Variants in ZNF423 observed in about 807,000 individuals in gnomAD.
ZNF423 encodes Ebf-associated zinc finger protein.
A neutral mutation model predicts 95.8 loss-of-function variants in ZNF423; 12 were observed. The ratio of observed to expected loss-of-function variants is 0.13; its 90% CI spans 0.08 to 0.20. The LOEUF (loss-of-function observed/expected upper bound fraction) is 0.20, where lower values mean the gene tolerates loss of function less well. ZNF423 is among the 10% of genes least tolerant of loss of function. ZNF423 has a pLI of 1.00. For synonymous variants in ZNF423, 749 were observed against 711.9 expected (o/e 1.05, Z -0.83); for missense variants, 1,316 against 1,737.1 (o/e 0.76, Z 4.31).
At chr16:49,798,733 T>C (rs558924527) in intron 1 of ZNF423, among the ~76,000 whole-genome samples, 2 of 152,308 alleles carry the variant, frequency 1.3e-5, no homozygotes, top group South Asian at 4.1e-4. Flanking sequence ...ATTTTGGCAA[T>C]GCTTGACTTT....
intron 3 of ZNF423, among the ~76,000 whole-genome samples, chr16:49,705,127 T>G (rs766985): frequency 0.39 from 59,611 of 151,978 alleles, 13,098 homozygotes; most frequent in African/African-American, 0.59. Flanking sequence ...GATGGGAGAA[T>G]AAGAAGGCCT....
rs539281085 is a variant in ZNF423 at position 49,530,793 on chromosome 16, A to G, written c.3602-5299T>C. 3.9e-5 allele frequency among the ~76,000 whole-genome samples: 6 copies of G among 152,252 alleles called. No individual in the cohort carries two copies. The East Asian group carries it at 1.2e-3, about 29-fold the overall frequency. ...TGACAGAAGAGGAAGGGACGCTTAG[A>G]GAGGCAGGGCCCCTAACAGGGATGT... is the stretch of plus-strand genomic sequence containing the variant. On this transcript the variant is annotated intron_variant, in intron 5 of 7. Transcript: ENST00000563137.
At chr16:49,767,908 C>G (rs1466954820) in intron 2 of ZNF423, among the ~76,000 whole-genome samples, 1 of 152,220 alleles carries the variant, frequency 6.6e-6, no homozygotes, top group Non-Finnish European at 1.5e-5. Context: ...GTCGGGTCCT[C>G]CCCACTGTCT....
intron 3 of ZNF423, among the ~76,000 whole-genome samples, chr16:49,641,375 C>T (rs1016388650): frequency 1.3e-5 from 2 of 152,210 alleles, no homozygotes; most frequent in Non-Finnish European, 2.9e-5. Context: ...AGGACTTGAT[C>T]TCCTTGGAGC....
At chr16:49,672,219 CT>C (rs1482717998) in intron 3 of ZNF423, among the ~76,000 whole-genome samples, 2 of 152,256 alleles carry the variant, frequency 1.3e-5, no homozygotes, top group African/African-American at 4.8e-5. Flanking sequence ...TCAGGTCAAA[CT>C]TGGCTGCCAA....
intron 3 of ZNF423, among the ~76,000 whole-genome samples, chr16:49,712,283 G>A (rs1471220243): frequency 6.6e-6 from 1 of 152,212 alleles, no homozygotes; most frequent in Non-Finnish European, 1.5e-5. Flanking sequence ...AGGAACGGGC[G>A]CCCGCACTGC....
chr16:49,619,304 T>C (rs1350616532), intron 5 of ZNF423, among the ~76,000 whole-genome samples: 2 of 152,090 alleles, frequency 1.3e-5, no homozygotes, highest in African/African-American at 4.8e-5. Context: ...TTACTGAACA[T>C]GAAGGTATGA....
chr16:49,721,020 G>A (rs545051008), intron 3 of ZNF423, among the ~76,000 whole-genome samples: 28 of 152,358 alleles, frequency 1.8e-4, no homozygotes, highest in Admixed American at 1.4e-3. Flanking sequence ...CTGCTGAGTC[G>A]AAAAGGTGGA....
intron 3 of ZNF423, among the ~76,000 whole-genome samples, chr16:49,667,874 A>C (rs1353441413): frequency 6.6e-6 from 1 of 152,202 alleles, no homozygotes; most frequent in Non-Finnish European, 1.5e-5. Context: ...CAACAGAGTG[A>C]GACCCTGTCT....
In ZNF423 at chr16:49,637,991, G is replaced by A; in HGVS notation, c.1185C>T (p.Thr395=). The stretch of plus-strand genomic sequence containing the variant: ...TCTTCTGCCCCCGCAGCGGCTTCAA[G>A]GTGGAGTCCGGGGTGGAGCCACGCT... ...SVERGSTPDS[T]LKPLRGQKKM... The change falls in exon 4 of 8, where the codon ACC becomes ACT. Residue 395 remains threonine, a synonymous_variant. Coordinates refer to ENST00000563137, the MANE Select transcript of ZNF423 (RefSeq NM_001379286.1). This position sits in a 1 kb window ranked among gnomAD's most constrained non-coding sequence, Gnocchi z 5.6. 1.2e-6 allele frequency: 2 copies of A among 1,614,122 alleles called. No individual in the cohort carries two copies. Among genetic ancestry groups the A allele is most frequent in the Non-Finnish European group, 1.7e-6 (2 of 1,180,042 alleles).
intron 1 of ZNF423, among the ~76,000 whole-genome samples, chr16:49,851,650 T>A (rs1245972833): frequency 1.3e-5 from 2 of 152,214 alleles, no homozygotes; most frequent in African/African-American, 4.8e-5. Flanking sequence ...CTGAATTACT[T>A]TATGACTGTA....
intron 7 of ZNF423, among the ~76,000 whole-genome samples, chr16:49,519,463 T>C (rs1968295352): frequency 6.6e-6 from 1 of 152,232 alleles, no homozygotes; most frequent in African/African-American, 2.4e-5. Context: ...TTTTCATTTA[T>C]GTGGGTGGCA....
In ZNF423 at chr16:49,850,106, G is replaced by A. The variant is rs527449468; in HGVS notation, c.40+5629C>T. Among the ~76,000 whole-genome samples, 16 of 152,288 alleles carry A rather than the reference G, an allele frequency of 1.1e-4. No homozygotes were observed. In the East Asian group the frequency reaches 2.3e-3, roughly 22 times the overall value. On this transcript the variant is annotated intron_variant, in intron 1 of 7. Transcript: ENST00000563137. ...CAGCTAATTGGCGCTCCTTGAAAGC[G>A]GTAAAGTATTTTTATTTACTGAGTG... is the stretch of plus-strand genomic sequence containing the variant.
chr16:49,724,794 A>G (rs1331137786), intron 3 of ZNF423, among the ~76,000 whole-genome samples: 1 of 152,192 alleles, frequency 6.6e-6, no homozygotes, highest in Non-Finnish European at 1.5e-5. Context: ...CCTACCTTTC[A>G]CAGGGGCCAG....
chr16:49,767,343 G>A (rs1011446780), intron 2 of ZNF423, among the ~76,000 whole-genome samples: 1 of 152,140 alleles, frequency 6.6e-6, no homozygotes, highest in East Asian at 1.9e-4. Flanking sequence ...AGGGAAGGCC[G>A]GGGAAAGCAG....
At chr16:49,736,756 C>G (rs534274927) in intron 2 of ZNF423, among the ~76,000 whole-genome samples, 1 of 152,202 alleles carries the variant, frequency 6.6e-6, no homozygotes, top group South Asian at 2.1e-4. Context: ...GTTCGCACCA[C>G]TGCACTCCAG....
In ZNF423 at chr16:49,855,012, T is replaced by A. The variant is rs903608330; in HGVS notation, c.40+723A>T. The A allele has an allele frequency of 2.5e-5, 25 of 984,138 alleles. No homozygotes were observed. The East Asian group carries it at 9.2e-4, about 36-fold the overall frequency. 61.0% of individuals were successfully genotyped at this position (984,138 alleles called of 1,614,324 possible). A position where few individuals can be genotyped will look rare whatever the true frequency, so the allele number is the denominator to read the frequency against. ...GCGCACCGCGGCCGCTGAGCTCCCC[T>A]GAGGACCTGCGTCCCGCCGGCGCCG... On this transcript the variant is annotated intron_variant, in intron 1 of 7. Coordinates refer to ENST00000563137, the MANE Select transcript of ZNF423 (RefSeq NM_001379286.1). The surrounding 1 kb of genome is among the most constrained non-coding windows in gnomAD (Gnocchi z 4.7).
chr16:49,788,710 C>A lies in ZNF423; in HGVS notation c.100+777G>T, dbSNP rs562437144. The stretch of plus-strand genomic sequence containing the variant: ...ATCCCAGGGCAGGCCTGGCCCAAGG[C>A]AGGGGAGGAGGACAAGGAAGGGGAT... On this transcript the variant is annotated intron_variant, in intron 2 of 7. Coordinates refer to ENST00000563137, the MANE Select transcript of ZNF423 (RefSeq NM_001379286.1). 2.6e-5 allele frequency among the ~76,000 whole-genome samples: 4 copies of A among 152,298 alleles called. No homozygotes were observed. In the East Asian group the frequency reaches 7.7e-4, roughly 29 times the overall value.
chr16:49,718,982 C>A (rs1390055459), intron 3 of ZNF423, among the ~76,000 whole-genome samples: 1 of 152,222 alleles, frequency 6.6e-6, no homozygotes, highest in Non-Finnish European at 1.5e-5. Flanking sequence ...ACCCCAAAAT[C>A]AGGTCAGGAT....
Sources: allele counts gnomAD v4.1 joint callset (sites outside exome capture counted in the v4.1 genomes callset), GRCh38; gene constraint gnomAD v4.1.1; non-coding constraint Gnocchi (gnomAD v3.1); transcripts MANE v1.5; gene names NCBI Gene and HGNC (gene_info 2026-07-23, HGNC 2026-07-21).